Variants in CDC42BPA observed in about 807,000 individuals in gnomAD.
The protein encoded by CDC42BPA is serine/threonine-protein kinase MRCK alpha.
A neutral mutation model predicts 223.5 loss-of-function variants in CDC42BPA; 80 were observed. The observed-to-expected ratio is 0.36, with a 90% CI of 0.30 to 0.43. The LOEUF is 0.43. CDC42BPA is among the 20% of genes least tolerant of loss of function. The pLI is 1.00. For missense variants in CDC42BPA, 1,743 were observed against 2,099.9 expected (o/e 0.83, Z 3.32); for synonymous variants, 694 against 718.6 (o/e 0.97, Z 0.55).
chr1:227,278,706 T>C (rs954643774), intron 1 of CDC42BPA, among the ~76,000 whole-genome samples: 10 of 152,178 alleles, frequency 6.6e-5, no homozygotes, highest in African/African-American at 1.4e-4. Flanking sequence ...AAAAGAATAG[T>C]AGTACTTGAA....
intron 1 of CDC42BPA, among the ~76,000 whole-genome samples, chr1:227,308,262 T>C (rs1210833455): frequency 6.6e-6 from 1 of 152,064 alleles, no homozygotes; most frequent in African/African-American, 2.4e-5. Context: ...TCCCAGCACT[T>C]TGGGAGACCT....
intron 5 of CDC42BPA, among the ~76,000 whole-genome samples, chr1:227,163,742 A>T (rs12063126): frequency 0.46 from 65,044 of 142,560 alleles, 14,325 homozygotes; most frequent in Middle Eastern, 0.53. Context: ...AAAAAAAAAA[A>T]ATATATATAT....
chr1:227,295,652 T>A (rs1325118123), intron 1 of CDC42BPA, among the ~76,000 whole-genome samples: 1 of 152,176 alleles, frequency 6.6e-6, no homozygotes, highest in Non-Finnish European at 1.5e-5. Flanking sequence ...TCCTTTCAAG[T>A]AAAAGACATT....
intron 7 of CDC42BPA, 70 bp from the exon 8 acceptor site, chr1:227,145,807 T>G: frequency 8.1e-7 from 1 of 1,238,922 alleles, no homozygotes; most frequent in Non-Finnish European, 1.1e-6. Flanking sequence ...TTGACTTATT[T>G]ATTTTCTTAA....
chr1:227,131,650 T>A (rs895413060), intron 10 of CDC42BPA, among the ~76,000 whole-genome samples: 17 of 152,134 alleles, frequency 1.1e-4, no homozygotes, highest in African/African-American at 3.9e-4. Context: ...CTGAATCTGG[T>A]GTATGAAGGG....
At chr1:227,129,714 T>TATATATATATATATATATATACAC (rs140091366) in intron 10 of CDC42BPA, among the ~76,000 whole-genome samples, 1 of 105,806 alleles carries the variant, frequency 9.5e-6, no homozygotes, top group African/African-American at 3.8e-5. Context: ...TATATATATA[T>TATATATATATATATATATATACAC]ACAAAAGAAT....
intron 10 of CDC42BPA, among the ~76,000 whole-genome samples, chr1:227,138,258 T>C (rs1048458034): frequency 6.6e-6 from 1 of 152,010 alleles, no homozygotes; most frequent in Non-Finnish European, 1.5e-5. Flanking sequence ...TCACAAAATA[T>C]GTAAGTAAAA....
intron 1 of CDC42BPA, among the ~76,000 whole-genome samples, chr1:227,315,519 G>A (rs1036376558): frequency 2.0e-5 from 3 of 151,328 alleles, no homozygotes; most frequent in African/African-American, 7.3e-5. Context: ...GTGTCATTAA[G>A]GAACCATAAC....
intron 2 of CDC42BPA, among the ~76,000 whole-genome samples, chr1:227,238,038 CAAAAAAAA>C (rs35731369): frequency 1.1e-5 from 1 of 91,302 alleles, no homozygotes; most frequent in African/African-American, 4.6e-5. Flanking sequence ...AACTCTGTCT[CAAAAAAAA>C]AAAAAAAAAA....
intron 23 of CDC42BPA, among the ~76,000 whole-genome samples, chr1:227,042,297 G>GAGATATATATATATATAT (rs922408596): frequency 0.017 from 2,569 of 147,606 alleles, 66 homozygotes; most frequent in African/African-American, 0.043. Context: ...ATACATATAT[G>GAGATATATATATATATAT]ATATATATAT....
chr1:227,182,867 T>C (rs1668169071), intron 5 of CDC42BPA: 1 of 152,246 alleles, frequency 6.6e-6, no homozygotes, highest in Non-Finnish European at 1.5e-5. Context: ...CTTCTTCCAG[T>C]GCATGAAGCC....
At chr1:227,299,646 A>T (rs946131564) in intron 1 of CDC42BPA, among the ~76,000 whole-genome samples, 5 of 152,052 alleles carry the variant, frequency 3.3e-5, no homozygotes, top group African/African-American at 9.7e-5. Context: ...TATTATGTAA[A>T]TTTTTTATGG....
At position 227,202,936 on chromosome 1, in the gene CDC42BPA, C is replaced by T. The variant is rs139061205; in HGVS notation, c.355-3284G>A. Among the ~76,000 whole-genome samples, 6 of 152,076 alleles carry T rather than the reference C, an allele frequency of 3.9e-5. No homozygotes were observed. In the East Asian group the frequency reaches 1.2e-3, roughly 29 times the overall value. ...CAGAGCAAGACTGTCTCTTCAAAAA[C>T]ATTAATTAAAATAAGAAAATAAACA... On this transcript the variant is annotated intron_variant, in intron 3 of 36. Coordinates refer to ENST00000366766, the MANE Select transcript of CDC42BPA (RefSeq NM_001394014.1).
intron 15 of CDC42BPA, among the ~76,000 whole-genome samples, chr1:227,099,224 G>T (rs1462587922): frequency 6.6e-6 from 1 of 151,894 alleles, no homozygotes; most frequent in Non-Finnish European, 1.5e-5. Context: ...TTATCTTAGA[G>T]TATACAGCTT....
chr1:227,209,017 A>C lies in CDC42BPA; in HGVS notation c.354+4119T>G, dbSNP rs1427047274. ...GGAATGTTCTTCCATTTGTTTGTAT[A>C]CTCTTTTATTTCCTTGAGCAGTGGT... On this transcript the variant is annotated intron_variant, in intron 3 of 36. Transcript: ENST00000366766. Among the ~76,000 whole-genome samples the C allele has an allele frequency of 2.8e-4, 42 of 150,780 alleles. 1 individual carries two copies. The East Asian group carries it at 3.5e-3, about 13-fold the overall frequency.
chr1:227,075,751 T>C (rs561553257), intron 17 of CDC42BPA, among the ~76,000 whole-genome samples: 6 of 152,236 alleles, frequency 3.9e-5, no homozygotes, highest in African/African-American at 7.2e-5. Flanking sequence ...AAGATACTTA[T>C]ATAGTAACAA....
chr1:227,035,620 A>T lies in CDC42BPA; in HGVS notation c.3200-13T>A. 6.4e-7 allele frequency: 1 copy of T among 1,559,656 alleles called. No homozygotes were observed. The highest frequency in any genetic ancestry group is 8.6e-7 in the Non-Finnish European group (1 of 1,162,778). ...GAGAATCCACACACTTTTAGAGGGA[A>T]AAAAGAAACGTTTGATAAAAATTCA... On this transcript the variant is annotated splice_polypyrimidine_tract_variant and intron_variant, in intron 24 of 36. Coordinates refer to ENST00000366766, the MANE Select transcript of CDC42BPA (RefSeq NM_001394014.1).
intron 1 of CDC42BPA, among the ~76,000 whole-genome samples, chr1:227,264,308 T>C (rs1684611919): frequency 6.6e-6 from 1 of 152,170 alleles, no homozygotes; most frequent in Non-Finnish European, 1.5e-5. Flanking sequence ...CTGGCTCTAA[T>C]AAATAAGCTA....
At chr1:227,014,431 A>T (rs1039574820) in intron 34 of CDC42BPA, among the ~76,000 whole-genome samples, 1 of 152,148 alleles carries the variant, frequency 6.6e-6, no homozygotes, top group African/African-American at 2.4e-5. Context: ...ATTATTGGTA[A>T]TGGTAATAAG....
Sources: gnomAD v4.1 joint callset for allele counts (sites outside exome capture counted in the v4.1 genomes callset) on GRCh38, gnomAD v4.1.1 for gene constraint, MANE v1.5 for transcripts, NCBI Gene and HGNC (gene_info 2026-07-23, HGNC 2026-07-21) for gene names.